The following KCND2 variants were observed in gnomAD, a reference collection of about 807,000 sequenced individuals.
KCND2 encodes A-type voltage-gated potassium channel KCND2.
A neutral mutation model predicts 54.4 loss-of-function variants in KCND2; 16 were observed. The ratio of observed to expected loss-of-function variants is 0.29; its 90% CI spans 0.20 to 0.45. The LOEUF is 0.45. Among genes scored for constraint, KCND2 ranks in the 20% least tolerant of loss-of-function variants. The pLI, the probability that KCND2 is intolerant of heterozygous loss-of-function variation, is 1.00. For missense variants in KCND2, 486 were observed against 824.2 expected (o/e 0.59, Z 5.02); for synonymous variants, 317 against 310.7 (o/e 1.02, Z -0.21).
intron 1 of KCND2, among the ~76,000 whole-genome samples, chr7:120,553,293 T>G (rs1305425661): frequency 1.3e-5 from 2 of 152,208 alleles, no homozygotes; most frequent in African/African-American, 4.8e-5. Context: ...GCATAATGTT[T>G]CCTAGGTTCA....
intron 1 of KCND2, among the ~76,000 whole-genome samples, chr7:120,663,771 G>A (rs1483416862): frequency 1.3e-5 from 2 of 152,122 alleles, no homozygotes; most frequent in African/African-American, 2.4e-5. Context: ...GTCTCTACAG[G>A]AGAGATTGTA....
chr7:120,585,726 A>AG (rs1253181136), intron 1 of KCND2, among the ~76,000 whole-genome samples: 2 of 152,194 alleles, frequency 1.3e-5, no homozygotes, highest in African/African-American at 4.8e-5. Flanking sequence ...GGCACTAAAG[A>AG]GAAACAGGAT....
intron 1 of KCND2, among the ~76,000 whole-genome samples, chr7:120,373,973 A>T (rs1461684577): frequency 6.6e-6 from 1 of 151,764 alleles, no homozygotes; most frequent in Non-Finnish European, 1.5e-5. Context: ...TATTTAATAA[A>T]TCCAGAAATA....
At chr7:120,513,653 C>A (rs1312352880) in intron 1 of KCND2, among the ~76,000 whole-genome samples, 1 of 151,950 alleles carries the variant, frequency 6.6e-6, no homozygotes, top group East Asian at 1.9e-4. Context: ...TAAATAGTTA[C>A]AATAGTTGAG....
chr7:120,409,295 C>T (rs1205418020), intron 1 of KCND2, among the ~76,000 whole-genome samples: 1 of 151,872 alleles, frequency 6.6e-6, no homozygotes, highest in Non-Finnish European at 1.5e-5. Context: ...GTAATATTCA[C>T]CTCAGATTGT....
intron 1 of KCND2, among the ~76,000 whole-genome samples, chr7:120,539,968 C>G (rs1490130530): frequency 6.6e-6 from 1 of 152,122 alleles, no homozygotes. Context: ...CCTGCCGTGC[C>G]AGAGACGAAG....
intron 1 of KCND2, among the ~76,000 whole-genome samples, chr7:120,630,625 T>C (rs1425925022): frequency 6.6e-6 from 1 of 152,160 alleles, no homozygotes; most frequent in Non-Finnish European, 1.5e-5. Context: ...TAAATATCTA[T>C]AAAATACTAG....
rs1793025249 is a variant in KCND2, at chr7:120,747,779, T to C, written c.1814T>C (p.Val605Ala). The C allele has an allele frequency of 6.8e-6, 11 of 1,612,450 alleles. No homozygotes were observed. The highest frequency in any genetic ancestry group is 9.3e-6 in the Non-Finnish European group (11 of 1,178,864). The change falls in exon 6 of 6, where the codon GTA (valine) becomes GCA (alanine). Residue 605 changes from valine (V) to alanine (A), a missense_variant. By Grantham distance (64) the Val-to-Ala change is moderately conservative. Coordinates refer to ENST00000331113, the MANE Select transcript of KCND2 (RefSeq NM_012281.3). ...TAIISIPTPP[V>A]TTPEGDDRPE... ...ATAATAAGCATCCCAACACCTCCAGTAACCACACCAGAAGGAGACGATAGG... is the reference window on the plus strand; with the variant it reads ...ATAATAAGCATCCCAACACCTCCAGCAACCACACCAGAAGGAGACGATAGG...
chr7:120,471,626 G>C (rs1802455846), intron 1 of KCND2, among the ~76,000 whole-genome samples: 1 of 151,980 alleles, frequency 6.6e-6, no homozygotes, highest in African/African-American at 2.4e-5. Context: ...ATCTCTCTAA[G>C]ACTTTAATTT....
intron 1 of KCND2, among the ~76,000 whole-genome samples, chr7:120,645,072 T>C (rs1482597088): frequency 6.6e-6 from 1 of 152,190 alleles, no homozygotes; most frequent in Non-Finnish European, 1.5e-5. Context: ...GTGTTATAGG[T>C]TGTTAAATGA....
chr7:120,652,463 C>T lies in KCND2; in HGVS notation c.1116-80440C>T, dbSNP rs182996391. On this transcript the variant is annotated intron_variant, in intron 1 of 5. Coordinates refer to ENST00000331113, the MANE Select transcript of KCND2 (RefSeq NM_012281.3). ...CACAGTGATTCTCCTGTGGATGTCC[C>T]CATGCACTTTTGTCTCAGCTGTCCA... Among the ~76,000 whole-genome samples, 112 of 152,162 alleles carry T rather than the reference C, an allele frequency of 7.4e-4. 2 individuals are homozygous for T. Among genetic ancestry groups the T allele is most frequent in the African/African-American group, 2.5e-3 (102 of 41,504 alleles).
chr7:120,347,629 C>T (rs1281873342), intron 1 of KCND2, among the ~76,000 whole-genome samples: 2 of 151,628 alleles, frequency 1.3e-5, no homozygotes, highest in African/African-American at 2.4e-5. Context: ...TGGTGTCGTG[C>T]GCCTGTAATC....
At chr7:120,331,541 T>C (rs1270576404) in intron 1 of KCND2, among the ~76,000 whole-genome samples, 1 of 151,972 alleles carries the variant, frequency 6.6e-6, no homozygotes, top group African/African-American at 2.4e-5. Context: ...TGTGCATGCA[T>C]TATGTTTGAG....
chr7:120,596,071 A>T (rs939420788), intron 1 of KCND2, among the ~76,000 whole-genome samples: 17 of 152,096 alleles, frequency 1.1e-4, no homozygotes, highest in Non-Finnish European at 2.1e-4. Context: ...TATTACTGTG[A>T]TGTCAAATGA....
chr7:120,451,786 A>G (rs1802113267), intron 1 of KCND2, among the ~76,000 whole-genome samples: 1 of 152,174 alleles, frequency 6.6e-6, no homozygotes, highest in Non-Finnish European at 1.5e-5. Flanking sequence ...GTGCTGTTGT[A>G]ACTCGTGTGT....
intron 1 of KCND2, among the ~76,000 whole-genome samples, chr7:120,658,246 T>C (rs930657105): frequency 2.0e-5 from 3 of 152,174 alleles, no homozygotes; most frequent in Non-Finnish European, 4.4e-5. Flanking sequence ...AAATTGAGTC[T>C]CCCCTGTTCC....
chr7:120,456,797 C>T lies in KCND2; in HGVS notation c.1115+181050C>T, dbSNP rs534485020. On this transcript the variant is annotated intron_variant, in intron 1 of 5. Coordinates refer to ENST00000331113, the MANE Select transcript of KCND2 (RefSeq NM_012281.3). ...CTGTGACCCTCTTCTCACAGCTCCA[C>T]TAGGCAGTGCCCCAGTGAGGACTCT... Among the ~76,000 whole-genome samples the T allele has an allele frequency of 3.4e-4, 52 of 152,326 alleles. 1 individual carries two copies. In the South Asian group the frequency reaches 5.0e-3, roughly 15 times the overall value.
intron 1 of KCND2, among the ~76,000 whole-genome samples, chr7:120,658,540 A>G (rs1309496996): frequency 6.6e-6 from 1 of 152,152 alleles, no homozygotes; most frequent in Non-Finnish European, 1.5e-5. Flanking sequence ...CCTTCATTAG[A>G]CCAGTTTTCT....
intron 1 of KCND2, among the ~76,000 whole-genome samples, chr7:120,284,843 A>G (rs1264744641): frequency 1.3e-5 from 2 of 152,090 alleles, no homozygotes; most frequent in Non-Finnish European, 2.9e-5. Flanking sequence ...CTTTATGCCT[A>G]TTTCCACCAT....
Sources: allele counts gnomAD v4.1 joint callset (sites outside exome capture counted in the v4.1 genomes callset), GRCh38; gene constraint gnomAD v4.1.1; transcripts MANE v1.5; gene names NCBI Gene and HGNC (gene_info 2026-07-23, HGNC 2026-07-21).